NRG1: variants seen among roughly 807,000 people sequenced by gnomAD.
NRG1 encodes the protein neuregulin 1, also known as pro-neuregulin-1, membrane-bound isoform.
A neutral mutation model predicts 63.8 loss-of-function variants in NRG1; 18 were observed. The ratio of observed to expected loss-of-function variants is 0.28; its 90% confidence interval spans 0.19 to 0.42. NRG1 has a LOEUF of 0.42. Ranked by LOEUF, NRG1 falls within the 10% of genes least tolerant of loss-of-function variation. The pLI is 1.00. For missense variants in NRG1, 762 were observed against 814.7 expected (o/e 0.94, Z 0.79); for synonymous variants, 302 against 301.3 (o/e 1.00, Z -0.02).
In NRG1 at chr8:31,640,566, C is replaced by A; in HGVS notation, c.37+1135C>A. The A allele has an allele frequency of 1.9e-6, 3 of 1,611,894 alleles. No homozygotes were observed. Among genetic ancestry groups the A allele is most frequent in the Non-Finnish European group, 1.7e-6 (2 of 1,179,438 alleles). Reference sequence around the variant, plus strand: ...GGACCTGGGGCCACCCCGCCTTCCCCTCCTGCGGGAGGCTCAAGGAGGACA... The same window carrying A: ...GGACCTGGGGCCACCCCGCCTTCCCATCCTGCGGGAGGCTCAAGGAGGACA... On this transcript the variant is annotated intron_variant, in intron 1 of 10. Coordinates refer to the NRG1 transcript ENST00000519301. This position sits in a 1 kb window ranked among gnomAD's most constrained non-coding sequence, Gnocchi z 6.3.
At chr8:31,852,935 A>AT (rs1827411098) in intron 1 of NRG1, among the ~76,000 whole-genome samples, 1 of 151,890 alleles carries the variant, frequency 6.6e-6, no homozygotes, top group Admixed American at 6.6e-5. Flanking sequence ...ATGTGGCGTT[A>AT]TTTCTGAGGG....
chr8:31,735,751 C>G (rs752008902), intron 1 of NRG1, among the ~76,000 whole-genome samples: 1 of 152,188 alleles, frequency 6.6e-6, no homozygotes, highest in African/African-American at 2.4e-5. Flanking sequence ...GCTGCTCACT[C>G]GCTAATTATC....
At chr8:32,606,093 GTAT>G (rs141097091) in intron 3 of NRG1, among the ~76,000 whole-genome samples, 2,018 of 149,274 alleles carry the variant, frequency 0.014, 46 homozygotes, top group African/African-American at 0.047. Context: ...TGCATATTAT[GTAT>G]TATATATGCG....
At chr8:31,754,114 C>T (rs1346233353) in intron 1 of NRG1, among the ~76,000 whole-genome samples, 1 of 152,098 alleles carries the variant, frequency 6.6e-6, no homozygotes, top group African/African-American at 2.4e-5. Flanking sequence ...TGTTAACCTG[C>T]TGTTGCAGCC....
At chr8:32,619,337 G>A (rs2954044) in intron 5 of NRG1, among the ~76,000 whole-genome samples, 17,403 of 152,146 alleles carry the variant, frequency 0.11, 1,036 homozygotes, top group African/African-American at 0.15. Flanking sequence ...GGACCATAAG[G>A]AGCCCTGTGG....
At chr8:32,000,973 C>T (rs1284345305) in intron 1 of NRG1, among the ~76,000 whole-genome samples, 1 of 151,792 alleles carries the variant, frequency 6.6e-6, no homozygotes, top group Non-Finnish European at 1.5e-5. Context: ...ACCATTTTTG[C>T]CTTGGCTTTT....
At chr8:32,543,329 A>G (rs1274912785), upstream of NRG1, among the ~76,000 whole-genome samples, 1 of 152,290 alleles carries the variant, frequency 6.6e-6, no homozygotes, top group East Asian at 1.9e-4. Flanking sequence ...ATATGCATAT[A>G]TAAGTATATA....
At chr8:31,703,884 T>C (rs1810870365) in intron 1 of NRG1, among the ~76,000 whole-genome samples, 1 of 152,216 alleles carries the variant, frequency 6.6e-6, no homozygotes, top group Non-Finnish European at 1.5e-5. Context: ...TTTTGTCTGA[T>C]TTGTACAATG....
intron 1 of NRG1, among the ~76,000 whole-genome samples, chr8:32,532,196 G>A (rs999023204): frequency 9.2e-5 from 14 of 152,178 alleles, no homozygotes; most frequent in African/African-American, 3.1e-4. Context: ...ATTAATCAGA[G>A]CTTGTGTTTA....
At chr8:31,783,013 A>T (rs1053392033) in intron 1 of NRG1, among the ~76,000 whole-genome samples, 1 of 152,308 alleles carries the variant, frequency 6.6e-6, no homozygotes, top group East Asian at 1.9e-4. Context: ...AATACCAATG[A>T]ACAGATCATT....
At chr8:32,746,433 A>G (rs573444093) in intron 7 of NRG1, among the ~76,000 whole-genome samples, 10 of 152,298 alleles carry the variant, frequency 6.6e-5, no homozygotes, top group Admixed American at 3.9e-4. Context: ...AATGTCTTCA[A>G]ATTTTAACAG....
chr8:31,707,400 C>T (rs1298569100), intron 1 of NRG1, among the ~76,000 whole-genome samples: 1 of 152,080 alleles, frequency 6.6e-6, no homozygotes, highest in Non-Finnish European at 1.5e-5. Flanking sequence ...TATGTTTTAA[C>T]ATCTAGAATT....
At chr8:32,454,600 G>A (rs1245300490) in intron 1 of NRG1, among the ~76,000 whole-genome samples, 2 of 47,694 alleles carry the variant, frequency 4.2e-5, no homozygotes, top group South Asian at 1.4e-3. Context: ...TTTTTTTTTT[G>A]GTGGCTGCTC....
chr8:32,699,804 A>T (rs142187096), intron 5 of NRG1, among the ~76,000 whole-genome samples: 1 of 152,314 alleles, frequency 6.6e-6, no homozygotes, highest in African/African-American at 2.4e-5. Flanking sequence ...ATATTGAGCA[A>T]TGTAGAGGTC....
intron 1 of NRG1, among the ~76,000 whole-genome samples, chr8:31,756,192 A>G (rs1816949491): frequency 6.6e-6 from 1 of 152,128 alleles, no homozygotes; most frequent in African/African-American, 2.4e-5. Context: ...CACACAAAGA[A>G]CATCAGCTTT....
chr8:32,659,150 T>TTC (rs1554622422), intron 5 of NRG1, among the ~76,000 whole-genome samples: 1 of 136,132 alleles, frequency 7.3e-6, no homozygotes, highest in African/African-American at 3.5e-5. Flanking sequence ...TCTTTTCTTT[T>TTC]TTTTTTTTTT....
intron 1 of NRG1, among the ~76,000 whole-genome samples, chr8:31,717,832 G>A (rs1467732976): frequency 2.0e-5 from 3 of 151,924 alleles, no homozygotes; most frequent in Non-Finnish European, 4.4e-5. Context: ...TACTTTTCAT[G>A]GCAATCTTTG....
intron 5 of NRG1, among the ~76,000 whole-genome samples, chr8:32,679,616 A>G (rs923488896): frequency 1.3e-5 from 2 of 152,190 alleles, no homozygotes; most frequent in African/African-American, 4.8e-5. Flanking sequence ...TTCAAGATCT[A>G]TTTGAGTGTT....
intron 1 of NRG1, among the ~76,000 whole-genome samples, chr8:32,568,152 C>A (rs1837817250): frequency 1.3e-5 from 2 of 152,198 alleles, no homozygotes; most frequent in Non-Finnish European, 2.9e-5. Context: ...TGGTCATTCG[C>A]TGCTTGGGAA....
Sources: allele counts gnomAD v4.1 joint callset (sites outside exome capture counted in the v4.1 genomes callset), GRCh38; gene constraint gnomAD v4.1.1; non-coding constraint Gnocchi (gnomAD v3.1); transcripts MANE v1.5; gene names NCBI Gene and HGNC (gene_info 2026-07-23, HGNC 2026-07-21).